The following MST1R variants were observed in gnomAD, a reference collection of about 807,000 sequenced individuals.
MST1R encodes macrophage stimulating 1 receptor, also known as macrophage-stimulating protein receptor.
In MST1R, 99 loss-of-function variants were observed where a neutral mutation model predicts 117.8. The ratio of observed to expected loss-of-function variants is 0.84; its 90% confidence interval spans 0.71 to 0.99. The LOEUF is 0.99. MST1R is among the 50% of genes least tolerant of loss of function. MST1R has a pLI of 0.00. For missense variants in MST1R, 1,683 were observed against 1,840.2 expected (o/e 0.91, Z 1.56); for synonymous variants, 734 against 765.3 (o/e 0.96, Z 0.68).
chr3:49,894,018 G>A (rs923235470), intron 14 of MST1R, among the ~76,000 whole-genome samples: 11 of 146,076 alleles, frequency 7.5e-5, no homozygotes, highest in African/African-American at 2.3e-4. Context: ...GTTCGAGACC[G>A]GCCTGGCCAA....
At chr3:49,901,961 G>C (rs1344368565) in intron 1 of MST1R, among the ~76,000 whole-genome samples, 1 of 151,112 alleles carries the variant, frequency 6.6e-6, no homozygotes, top group Non-Finnish European at 1.5e-5. Context: ...GGGAGGGGAG[G>C]GGGGAGTGCT....
chr3:49,887,322 A>G lies in MST1R; in HGVS notation c.4188T>C (p.Pro1396=). The G allele has an allele frequency of 6.2e-7, 1 of 1,614,180 alleles. No individual in the cohort carries two copies. The highest frequency in any genetic ancestry group is 8.5e-7 in the Non-Finnish European group (1 of 1,180,030). Residue 1396 remains proline, a synonymous_variant, in exon 20 of 20, where the codon CCT becomes CCC. Transcript: ENST00000296474. ...AAGAACTAAGTCAAGTGGGCCGAGGAGGCTCTGAGAGTGGCCGGGGCCGGC... is the reference window on the plus strand; with the variant it reads ...AAGAACTAAGTCAAGTGGGCCGAGGGGGCTCTGAGAGTGGCCGGGGCCGGC... The part of the protein sequence containing the change: ...NVRRPRPLSE[P]PRPT
chr3:49,899,310 C>G, intron 1 of MST1R, 47 bp from the exon 2 acceptor site: 1 of 1,604,204 alleles, frequency 6.2e-7, no homozygotes, highest in Non-Finnish European at 8.5e-7. Context: ...AGCCTTGTGC[C>G]CCGACCCTCT....
At chr3:49,897,460 G>A (rs1443966098) in intron 6 of MST1R, 44 bp from the exon 7 acceptor site, 3 of 1,609,760 alleles carry the variant, frequency 1.9e-6, no homozygotes, top group Non-Finnish European at 2.5e-6. Flanking sequence ...TCCACTCCAA[G>A]CCCCTCCCTT....
intron 1 of MST1R, among the ~76,000 whole-genome samples, chr3:49,900,430 C>T (rs1217280166): frequency 6.6e-6 from 1 of 152,144 alleles, no homozygotes; most frequent in Non-Finnish European, 1.5e-5. Context: ...GTGCTTAGGA[C>T]TCTCTCTCAC....
At chr3:49,893,512 G>A (rs1027201486) in intron 14 of MST1R, among the ~76,000 whole-genome samples, 2 of 151,718 alleles carry the variant, frequency 1.3e-5, no homozygotes, top group Non-Finnish European at 2.9e-5. Flanking sequence ...GGTGAGGCAG[G>A]AGAATTGCTT....
chr3:49,900,737 C>T (rs1262771319), intron 1 of MST1R, among the ~76,000 whole-genome samples: 3 of 152,262 alleles, frequency 2.0e-5, no homozygotes, highest in East Asian at 3.9e-4. Flanking sequence ...TAGAGCCCTA[C>T]CTTAGTCAGG....
chr3:49,895,041 G>A (rs2082420638), intron 14 of MST1R, 126 bp downstream of exon 14: 1 of 915,812 alleles, frequency 1.1e-6, no homozygotes, highest in Admixed American at 1.8e-5. Context: ...TCGATCTCCT[G>A]ACCTCATGAT....
rs767730736 is a variant in MST1R, at chr3:49,890,603, CG to C, written c.3691del (p.Arg1231AlafsTer21). On this transcript the variant is annotated frameshift_variant, in exon 18 of 20. Transcript: ENST00000296474. LOFTEE classifies it high-confidence loss of function. ...TVKVADFGLA[R>X]DILDREYYSV... ...ATAGTACTCCCTGTCCAGGATGTCG[CG>C]GGCCAAACCAAAGTCAGCCACCTTG... 3.1e-6 allele frequency: 5 copies of C among 1,613,826 alleles called. No homozygotes were observed. In the African/African-American group the frequency reaches 6.7e-5, roughly 22 times the overall value.
rs1278312429 is a variant in MST1R at position 49,896,078 on chromosome 3, A to G, written c.2679T>C (p.Cys893=). 1.2e-6 allele frequency: 2 copies of G among 1,611,564 alleles called. No individual in the cohort carries two copies. The highest frequency in any genetic ancestry group is 2.7e-5 in the African/African-American group (2 of 74,878). ...EYIGLGAVAD[C]VGINVTVGGE... Reference sequence around the variant, plus strand: ...CACCCACGGTCACGTTGATACCCACACAGTCAGCCACAGCGCCCAGCCCAA... The same window carrying G: ...CACCCACGGTCACGTTGATACCCACGCAGTCAGCCACAGCGCCCAGCCCAA... The change falls in exon 11 of 20, where the codon TGT becomes TGC. Residue 893 remains cysteine, a synonymous_variant. Transcript: ENST00000296474.
chr3:49,896,380 G>C lies in MST1R; in HGVS notation c.2464C>G (p.Gln822Glu), dbSNP rs375573917. The C allele has an allele frequency of 2.2e-4, 347 of 1,613,604 alleles. 2 individuals are homozygous for C. In the South Asian group the frequency reaches 3.5e-3, roughly 16 times the overall value. The stretch of plus-strand genomic sequence containing the variant: ...ACATATTCAGGAAGGCGGCACAGCT[G>C]CTGCTCTGGAAGCTGCCTCTCACAC... Reference protein sequence around the residue: ...SRCERQLPEQQLCRLPEYVVR... With the variant: ...SRCERQLPEQELCRLPEYVVR... The change falls in exon 10 of 20, where the codon CAG becomes GAG. Residue 822 changes from glutamine (Q) to glutamate (E), a missense_variant. By Grantham distance (29) the Gln-to-Glu change is conservative (BLOSUM62 2). Coordinates refer to ENST00000296474, the MANE Select transcript of MST1R (RefSeq NM_002447.4).
intron 19 of MST1R, among the ~76,000 whole-genome samples, chr3:49,889,501 CCAT>C (rs756007704): frequency 4.3e-4 from 66 of 152,286 alleles, no homozygotes; most frequent in Admixed American, 2.5e-3. Context: ...GCAGCTGCCG[CCAT>C]CCCTCCAGGA....
rs376534011 is a variant in MST1R at position 49,899,226 on chromosome 3, C to T, written c.1268G>A (p.Arg423His). The T allele has an allele frequency of 6.2e-6, 10 of 1,614,046 alleles. No individual in the cohort carries two copies. In the African/African-American group the frequency reaches 9.3e-5, roughly 15 times the overall value. The change falls in exon 2 of 20, where the codon CGC becomes CAC. Residue 423 changes from arginine to histidine, a missense_variant. By Grantham distance (29) the Arg-to-His change is conservative. Transcript: ENST00000296474. ...LEALSPNTSC[R>H]HFPLLVSSSF... ...GCTACTGACCAGCAGAGGGAAGTGG[C>T]GGCAGCTGGTGTTGGGGCTGAGGGC... is the stretch of plus-strand genomic sequence containing the variant.
intron 1 of MST1R, 52 bp downstream of exon 1, chr3:49,902,328 G>A: frequency 6.3e-7 from 1 of 1,574,872 alleles, no homozygotes; most frequent in East Asian, 2.2e-5. Context: ...AGCAGCCTGT[G>A]TTCAGCCATG....
Position 49,903,259 on chromosome 3 carries a change from G to A in MST1R, c.351C>T (p.Asp117=). The change falls in exon 1 of 20, where the codon GAC becomes GAT. Residue 117 remains aspartate, a synonymous_variant. Coordinates refer to ENST00000296474, the MANE Select transcript of MST1R (RefSeq NM_002447.4). ...CCAGCACCAGCACCTTTGTGTCTGT[G>A]TCACCGGGAGGGCCGTGGGGTCCTG... ...CGPGPHGPPG[D]TDTKVLVLDP... 6.2e-7 allele frequency: 1 copy of A among 1,609,506 alleles called. No homozygotes were observed. The highest frequency in any genetic ancestry group is 8.5e-7 in the Non-Finnish European group (1 of 1,179,962).
chr3:49,889,377 A>G (rs2082248724), intron 19 of MST1R, among the ~76,000 whole-genome samples: 1 of 152,102 alleles, frequency 6.6e-6, no homozygotes, highest in African/African-American at 2.4e-5. Context: ...ACTTTTACCT[A>G]TGTCCTGGTT....
In MST1R at chr3:49,903,084, C is replaced by CG; in HGVS notation, c.525dup (p.Asp176ArgfsTer15). ...GTGCCCAATGGGCTGGCCACACAGTCGGGGCAGTCATCGGGCCGGTTATGG... is the reference window on the plus strand; with the variant it reads ...GTGCCCAATGGGCTGGCCACACAGTCGGGGGCAGTCATCGGGCCGGTTATGG... On this transcript the variant is annotated frameshift_variant, in exon 1 of 20. Transcript: ENST00000296474. LOFTEE classifies it high-confidence loss of function. 1 of 1,607,888 alleles carries CG rather than the reference C, an allele frequency of 6.2e-7. No individual in the cohort carries two copies. The highest frequency in any genetic ancestry group is 1.3e-5 in the African/African-American group (1 of 75,070).
chr3:49,891,105 G>T, intron 17 of MST1R, 92 bp downstream of exon 17: 1 of 1,108,678 alleles, frequency 9.0e-7, no homozygotes, highest in Non-Finnish European at 1.4e-6. Flanking sequence ...GGAGGACAAG[G>T]CTGGAGTGGG....
chr3:49,903,635 T>C lies in MST1R; in HGVS notation c.-26A>G. 1 of 1,543,534 alleles carries C rather than the reference T, an allele frequency of 6.5e-7. No individual in the cohort carries two copies. Among genetic ancestry groups the C allele is most frequent in the Non-Finnish European group, 8.7e-7 (1 of 1,151,290 alleles). ...CGAGGCGAGCTGGGACCCTAGAGGATCCCTACCGGCCTGGGCCTGGACCTG... is the reference window on the plus strand; with the variant it reads ...CGAGGCGAGCTGGGACCCTAGAGGACCCCTACCGGCCTGGGCCTGGACCTG... On this transcript the variant is annotated 5_prime_UTR_variant, in exon 1 of 20. Coordinates refer to ENST00000296474, the MANE Select transcript of MST1R (RefSeq NM_002447.4).
Sources: allele counts gnomAD v4.1 joint callset (sites outside exome capture counted in the v4.1 genomes callset), GRCh38; gene constraint gnomAD v4.1.1; transcripts MANE v1.5; gene names NCBI Gene and HGNC (gene_info 2026-07-23, HGNC 2026-07-21).